SCHIP1: variants seen among roughly 807,000 people sequenced by gnomAD.
SCHIP1 encodes the protein schwannomin interacting protein 1.
Under a neutral mutation model 29.7 loss-of-function variants are expected in SCHIP1, and 8 were observed. The ratio of observed to expected loss-of-function variants is 0.27; its 90% confidence interval spans 0.16 to 0.49. The LOEUF is 0.49. SCHIP1 is among the 20% of genes least tolerant of loss of function. The probability of loss-of-function intolerance (pLI) is 0.99; values close to 1 mark genes in which losing one functional copy is unlikely to be tolerated. For synonymous variants in SCHIP1, 76 were observed against 94.9 expected (o/e 0.80, Z 1.16); for missense variants, 193 against 294.6 (o/e 0.66, Z 2.52).
chr3:159,621,642 G>T, the SCHIP1 span, among the ~76,000 whole-genome samples: 2 of 151,052 alleles, frequency 1.3e-5, no homozygotes, highest in East Asian at 3.9e-4. Flanking sequence ...TGTGTGTGTG[G>T]TTTTTTTGTT....
the SCHIP1 span, among the ~76,000 whole-genome samples, chr3:159,445,060 A>G: frequency 5.9e-5 from 9 of 152,174 alleles, no homozygotes; most frequent in African/African-American, 2.2e-4. Flanking sequence ...TCTGCACAGC[A>G]AAAGGAACTA....
chr3:159,716,196 A>C, the SCHIP1 span, among the ~76,000 whole-genome samples: 2 of 152,238 alleles, frequency 1.3e-5, no homozygotes, highest in Admixed American at 6.5e-5. Flanking sequence ...AGACAAGCAA[A>C]TGCTGACAGA....
chr3:159,274,695 A>C, the SCHIP1 span: 12 of 821,948 alleles, frequency 1.5e-5, no homozygotes, highest in African/African-American at 2.2e-4. Flanking sequence ...CCCAACAGAT[A>C]TTTTGATTAG....
At chr3:159,845,631 C>G (rs548491676) in intron 1 of SCHIP1, 2 of 152,354 alleles carry the variant, frequency 1.3e-5, no homozygotes, top group African/African-American at 4.8e-5. Context: ...ATCTGCCCAC[C>G]TTAGCCTCCC....
Position 159,896,687 on chromosome 3 carries a change from A to T in SCHIP1, c.684-36A>T, listed in dbSNP as rs556027959. On this transcript the variant is annotated intron_variant, in intron 6 of 6. Transcript: ENST00000445224. ...ATTGAAAAGCAGTTTGGATCTCTCT[A>T]CATGATGCTAAATAATTGTATTAAT... 2.3e-5 allele frequency: 36 copies of T among 1,575,778 alleles called. No homozygotes were observed. The East Asian group carries it at 7.8e-4, about 34-fold the overall frequency.
At chr3:159,694,571 A>AGAAG in the SCHIP1 span, among the ~76,000 whole-genome samples, 1 of 151,158 alleles carries the variant, frequency 6.6e-6, no homozygotes, top group Non-Finnish European at 1.5e-5. Flanking sequence ...AAAGAAAGAA[A>AGAAG]GAAAGAAAGA....
At chr3:159,718,485 A>G in the SCHIP1 span, among the ~76,000 whole-genome samples, 5 of 152,234 alleles carry the variant, frequency 3.3e-5, no homozygotes, top group African/African-American at 4.8e-5. Context: ...AGAAAACCCC[A>G]TCGTCTCATC....
chr3:159,799,747 G>T, the SCHIP1 span, among the ~76,000 whole-genome samples: 1 of 152,366 alleles, frequency 6.6e-6, no homozygotes, highest in East Asian at 1.9e-4. Flanking sequence ...TCGTAAGGCT[G>T]CCTAGGACAG....
At chr3:159,703,351 A>T in the SCHIP1 span, among the ~76,000 whole-genome samples, 588 of 152,346 alleles carry the variant, frequency 3.9e-3, 1 homozygote, top group African/African-American at 0.014. Flanking sequence ...TCATCTTATT[A>T]ACCTAAGAAC....
chr3:159,723,325 ATT>A, the SCHIP1 span, among the ~76,000 whole-genome samples: 1 of 152,188 alleles, frequency 6.6e-6, no homozygotes, highest in African/African-American at 2.4e-5. Flanking sequence ...TTTGCTACAT[ATT>A]GTTTCTTTAC....
At chr3:159,794,694 G>A in the SCHIP1 span, among the ~76,000 whole-genome samples, 23 of 152,216 alleles carry the variant, frequency 1.5e-4, no homozygotes, top group East Asian at 4.1e-3. Context: ...ATTCTGAGAA[G>A]GGGTCCACAG....
chr3:159,495,890 A>T, the SCHIP1 span, among the ~76,000 whole-genome samples: 33 of 152,298 alleles, frequency 2.2e-4, no homozygotes, highest in African/African-American at 6.7e-4. Context: ...AGCATGGTAC[A>T]GGTACCAAGA....
the SCHIP1 span, among the ~76,000 whole-genome samples, chr3:159,698,362 T>C: frequency 6.6e-6 from 1 of 152,234 alleles, no homozygotes. Context: ...TTCTTTCATT[T>C]CATCAAAATA....
At chr3:159,673,635 T>C in the SCHIP1 span, among the ~76,000 whole-genome samples, 3 of 152,140 alleles carry the variant, frequency 2.0e-5, no homozygotes, top group African/African-American at 7.2e-5. Context: ...TTACCGCAAA[T>C]CCTTCTAGGT....
the SCHIP1 span, among the ~76,000 whole-genome samples, chr3:159,557,404 A>C: frequency 6.6e-6 from 1 of 152,198 alleles, no homozygotes; most frequent in Non-Finnish European, 1.5e-5. Context: ...AAATGATCCT[A>C]TTTGTTGGCC....
chr3:159,638,306 G>A, the SCHIP1 span, among the ~76,000 whole-genome samples: 3 of 152,266 alleles, frequency 2.0e-5, no homozygotes, highest in East Asian at 1.9e-4. Context: ...ACATCCTAAT[G>A]AGTTTCCCAA....
intron 1 of SCHIP1, among the ~76,000 whole-genome samples, chr3:159,864,226 C>T (rs1714361175): frequency 1.3e-5 from 2 of 151,970 alleles, no homozygotes; most frequent in East Asian, 1.9e-4. Context: ...CTGGACCATC[C>T]CAAGTGCCAG....
the SCHIP1 span, among the ~76,000 whole-genome samples, chr3:159,454,016 A>G: frequency 2.6e-5 from 4 of 152,280 alleles, no homozygotes; most frequent in Non-Finnish European, 2.9e-5. Context: ...GAACTTGACA[A>G]TTCCAGGTCT....
At chr3:159,524,859 T>C in the SCHIP1 span, among the ~76,000 whole-genome samples, 3 of 152,214 alleles carry the variant, frequency 2.0e-5, no homozygotes, top group African/African-American at 7.2e-5. Context: ...TTACAACTCC[T>C]GCATGCCCCT....
Sources: gnomAD v4.1 joint callset for allele counts (sites outside exome capture counted in the v4.1 genomes callset) on GRCh38, gnomAD v4.1.1 for gene constraint, MANE v1.5 for transcripts, NCBI Gene and HGNC (gene_info 2026-07-23, HGNC 2026-07-21) for gene names.